Variants in IL27RA observed in about 807,000 individuals in gnomAD.
The protein encoded by IL27RA is interleukin-27 receptor subunit alpha.
A neutral mutation model predicts 80.8 loss-of-function variants in IL27RA; 61 were observed. The observed-to-expected ratio is 0.76, with a 90% CI of 0.61 to 0.93. IL27RA has a LOEUF of 0.93. Ranked by LOEUF, IL27RA falls within the 40% of genes least tolerant of loss-of-function variation. The pLI is 0.00. For synonymous variants in IL27RA, 316 were observed against 332.5 expected (o/e 0.95, Z 0.54); for missense variants, 735 against 808.1 (o/e 0.91, Z 1.10).
chr19:14,044,068 AG>A (rs1450992786), intron 6 of IL27RA, among the ~76,000 whole-genome samples: 6 of 146,250 alleles, frequency 4.1e-5, no homozygotes, highest in Admixed American at 1.4e-4. Flanking sequence ...AAAAAAAAAA[AG>A]GTATTATAAA....
intron 2 of IL27RA, 55 bp from the exon 3 acceptor site, chr19:14,039,453 C>A: frequency 6.4e-7 from 1 of 1,558,936 alleles, no homozygotes; most frequent in Non-Finnish European, 8.7e-7. Context: ...GGGTGGTTAT[C>A]AGTGGCCCTG....
intron 2 of IL27RA, among the ~76,000 whole-genome samples, 191 bp downstream of exon 2, chr19:14,032,694 TACTC>T (rs958245247): frequency 1.4e-5 from 2 of 140,700 alleles, no homozygotes; most frequent in African/African-American, 5.4e-5. Context: ...TAGTCCCTGA[TACTC>T]AGGAGGCTGA....
chr19:14,036,875 G>T lies in IL27RA; in HGVS notation c.219-2633G>T, dbSNP rs139001610. 8.8e-3 allele frequency among the ~76,000 whole-genome samples: 1,261 copies of T among 143,628 alleles called. 18 individuals are homozygous for T. Among genetic ancestry groups the T allele is most frequent in the African/African-American group, 0.031 (1,214 of 39,064 alleles). 94.2% of individuals were successfully genotyped at this position (143,628 alleles called of 152,430 possible). ...TTTTGAGACAAAGTCTCGCTCTGTC[G>T]CTCAGGCTGGAGTGCAATGGCGTGA... On this transcript the variant is annotated intron_variant, in intron 2 of 13. Transcript: ENST00000263379.
Position 14,046,333 on chromosome 19 carries a change from C to T in IL27RA, c.948C>T (p.Cys316=), listed in dbSNP as rs1976064757. 1 of 1,613,460 alleles carries T rather than the reference C, an allele frequency of 6.2e-7. No individual in the cohort carries two copies. ...WEPLTNLSLV[C]LDSASAPRSV... is the part of the protein sequence containing the mutation. ...CTCTCACCAACCTCTCTTTGGTCTG[C>T]TTGGGTAAGAGACTGTGACCTTCCT... The change falls in exon 7 of 14, where the codon TGC becomes TGT. Residue 316 remains cysteine, a synonymous_variant. Coordinates refer to ENST00000263379, the MANE Select transcript of IL27RA (RefSeq NM_004843.4).
In IL27RA at chr19:14,032,437, A is replaced by G; in HGVS notation, c.152A>G (p.Asn51Ser). 6.2e-7 allele frequency: 1 copy of G among 1,613,558 alleles called. No homozygotes were observed. Among genetic ancestry groups the G allele is most frequent in the South Asian group, 1.1e-5 (1 of 91,042 alleles). Residue 51 changes from asparagine (N) to serine (S), a missense_variant, in exon 2 of 14, where the codon AAC becomes AGC. Transcript: ENST00000263379. Reference sequence around the variant, plus strand: ...GGAGTTGGACCCTTGGGCGACTTGAACTGCTCGTGGGAGCCTCTTGGGGAC... The same window carrying G: ...GGAGTTGGACCCTTGGGCGACTTGAGCTGCTCGTGGGAGCCTCTTGGGGAC... Reference protein sequence around the residue: ...CYGVGPLGDLNCSWEPLGDLG... With the variant: ...CYGVGPLGDLSCSWEPLGDLG...
At position 14,039,509 on chromosome 19, in the gene IL27RA, C is replaced by T. The variant is rs201645440; in HGVS notation, c.220C>T (p.Arg74Cys). The T allele has an allele frequency of 7.4e-6, 12 of 1,611,622 alleles. No individual in the cohort carries two copies. In the East Asian group the frequency reaches 8.9e-5, roughly 12 times the overall value. ...SELHLQSQKY[R>C]SNKTQTVAVA... is the part of the protein sequence containing the mutation. ...TCATCCCCGCCTCTCTCCTCACAGC[C>T]GTTCCAACAAAACCCAGACTGTGGC... The change falls in exon 3 of 14, where the codon CGT (arginine) becomes TGT (cysteine). Residue 74 changes from arginine (R) to cysteine (C), a missense_variant and splice_region_variant. By Grantham distance (180) the Arg-to-Cys change is radical. Coordinates refer to ENST00000263379, the MANE Select transcript of IL27RA (RefSeq NM_004843.4).
At position 14,049,198 on chromosome 19, in the gene IL27RA, C is replaced by T; in HGVS notation, c.1286C>T (p.Pro429Leu). 1 of 1,614,178 alleles carries T rather than the reference C, an allele frequency of 6.2e-7. No individual in the cohort carries two copies. Among genetic ancestry groups the T allele is most frequent in the Non-Finnish European group, 8.5e-7 (1 of 1,180,018 alleles). ...GPTLWRLQDA[P>L]PGTPAIAWGE... Reference sequence around the variant, plus strand: ...ACGCTTTGGCGACTCCAAGATGCCCCTCCAGGGACCCCCGCCATAGCGTGG... The same window carrying T: ...ACGCTTTGGCGACTCCAAGATGCCCTTCCAGGGACCCCCGCCATAGCGTGG... The change falls in exon 10 of 14, where the codon CCT becomes CTT. Residue 429 changes from proline to leucine, a missense_variant. Transcript: ENST00000263379.
chr19:14,034,036 T>G (rs548601220), intron 2 of IL27RA, among the ~76,000 whole-genome samples: 29 of 152,284 alleles, frequency 1.9e-4, no homozygotes, highest in African/African-American at 6.5e-4. Context: ...AGTCTGAGGA[T>G]TCAAAGAGTT....
At position 14,031,943 on chromosome 19, in the gene IL27RA, G is replaced by A. The variant is rs1442867580; in HGVS notation, c.71G>A (p.Trp24Ter). ...AAGCTGGCGCTGCTGCCTCTGTTGT[G>A]GGTGCTTTTCCAGCGGACGCGTCCC... is the stretch of plus-strand genomic sequence containing the variant. ...LPKLALLPLL[W>*]VLFQRTRPQG... is the part of the protein sequence containing the mutation. The change falls in exon 1 of 14, where the codon TGG (tryptophan) becomes TAG (stop). Residue 24 changes from tryptophan (W) to a stop codon, truncating the protein, a stop_gained. Transcript: ENST00000263379. LOFTEE classifies it high-confidence loss of function. The A allele has an allele frequency of 1.2e-6, 2 of 1,611,088 alleles. No individual in the cohort carries two copies. Among genetic ancestry groups the A allele is most frequent in the Non-Finnish European group, 1.7e-6 (2 of 1,178,814 alleles).
chr19:14,050,146 T>C (rs969424251), intron 10 of IL27RA, among the ~76,000 whole-genome samples: 1 of 151,400 alleles, frequency 6.6e-6, no homozygotes, highest in Non-Finnish European at 1.5e-5. Flanking sequence ...GCCAAGATCA[T>C]GCAAAGACAA....
At position 14,039,613 on chromosome 19, in the gene IL27RA, T is replaced by C; in HGVS notation, c.324T>C (p.Thr108=). ...CTGACAAACTCCTTGTCTGGGGCACTAAGGCAGGCCAGCCTCTCTGGCCCC... is the reference window on the plus strand; with the variant it reads ...CTGACAAACTCCTTGTCTGGGGCACCAAGGCAGGCCAGCCTCTCTGGCCCC... ...TMSDKLLVWG[T]KAGQPLWPPV... The change falls in exon 3 of 14, where the codon ACT becomes ACC. Residue 108 remains threonine, a synonymous_variant. Coordinates refer to ENST00000263379, the MANE Select transcript of IL27RA (RefSeq NM_004843.4). The C allele has an allele frequency of 1.9e-6, 3 of 1,614,170 alleles. No homozygotes were observed. The highest frequency in any genetic ancestry group is 2.5e-6 in the Non-Finnish European group (3 of 1,180,042).
At chr19:14,043,073 T>G (rs1976016093) in intron 6 of IL27RA, among the ~76,000 whole-genome samples, 2 of 147,706 alleles carry the variant, frequency 1.4e-5, no homozygotes, top group South Asian at 4.3e-4. Flanking sequence ...ACCCAGGAGG[T>G]GAAGGTTGCA....
Position 14,046,500 on chromosome 19 carries a change from G to A in IL27RA, c.1023G>A (p.Trp341Ter). Residue 341 changes from tryptophan (W) to a stop codon, truncating the protein, a stop_gained, in exon 8 of 14, where the codon TGG (tryptophan) becomes TGA (stop). Coordinates refer to ENST00000263379, the MANE Select transcript of IL27RA (RefSeq NM_004843.4). LOFTEE classifies it high-confidence loss of function. ...IAGSTELLVT[W>*]QPGPGEPLEH... Reference sequence around the variant, plus strand: ...GGAGCACGGAGCTACTGGTGACCTGGCAACCGGGGCCTGGGGAACCACTGG... The same window carrying A: ...GGAGCACGGAGCTACTGGTGACCTGACAACCGGGGCCTGGGGAACCACTGG... 2 of 1,614,126 alleles carry A rather than the reference G, an allele frequency of 1.2e-6. No homozygotes were observed. Among genetic ancestry groups the A allele is most frequent in the Non-Finnish European group, 1.7e-6 (2 of 1,180,026 alleles).
rs771459698 is a variant in IL27RA, at chr19:14,051,634, C to T, written c.1556C>T (p.Pro519Leu). Residue 519 changes from proline to leucine, a missense_variant, in exon 12 of 14, where the codon CCG (proline) becomes CTG (leucine). Transcript: ENST00000263379. ...AACACCCTGAGGTGGAAAGTTCTGCCGGGCATCCTATTCTTGTGGGGCTTG... is the reference window on the plus strand; with the variant it reads ...AACACCCTGAGGTGGAAAGTTCTGCTGGGCATCCTATTCTTGTGGGGCTTG... ...PDNTLRWKVLPGILFLWGLFL... is the reference protein window; with the variant it reads ...PDNTLRWKVLLGILFLWGLFL... The T allele has an allele frequency of 2.6e-5, 42 of 1,612,188 alleles. No homozygotes were observed. Among genetic ancestry groups the T allele is most frequent in the Middle Eastern group, 1.6e-4 (1 of 6,078 alleles).
intron 4 of IL27RA, among the ~76,000 whole-genome samples, chr19:14,040,747 C>A (rs1599299266): frequency 1.3e-5 from 2 of 151,594 alleles, no homozygotes; most frequent in Non-Finnish European, 2.9e-5. Context: ...TCACTTGAAC[C>A]CAGGAGGTGG....
Position 14,039,811 on chromosome 19 carries a change from G to C in IL27RA, c.435G>C (p.Leu145=). 1 of 1,614,168 alleles carries C rather than the reference G, an allele frequency of 6.2e-7. No homozygotes were observed. The highest frequency in any genetic ancestry group is 8.5e-7 in the Non-Finnish European group (1 of 1,180,022). The change falls in exon 4 of 14, where the codon CTG becomes CTC. Residue 145 remains leucine (L), a synonymous_variant. Transcript: ENST00000263379. ...TGGACTTTTCCGAGGATGACCCCCT[G>C]GAGGCCACTGTCCATTGGGCCCCAC... ...PDVDFSEDDP[L]EATVHWAPPT... is the part of the protein sequence containing the mutation.
At chr19:14,039,938 C>T in intron 4 of IL27RA, 28 bp downstream of exon 4, 1 of 1,609,902 alleles carries the variant, frequency 6.2e-7, no homozygotes, top group Non-Finnish European at 8.5e-7. Flanking sequence ...TTTCTCCCCA[C>T]CCTATTCCGG....
At chr19:14,050,964 G>A in intron 11 of IL27RA, 81 bp downstream of exon 11, 1 of 1,434,868 alleles carries the variant, frequency 7.0e-7, no homozygotes, top group Middle Eastern at 2.6e-4. Flanking sequence ...GTCATTACTT[G>A]GAAGCTAGGT....
At position 14,050,757 on chromosome 19, in the gene IL27RA, G is replaced by T; in HGVS notation, c.1403-1G>T. 6.2e-7 allele frequency: 1 copy of T among 1,610,112 alleles called. No homozygotes were observed. The highest frequency in any genetic ancestry group is 1.1e-5 in the South Asian group (1 of 90,866). On this transcript the variant is annotated splice_acceptor_variant, in intron 10 of 13. Transcript: ENST00000263379. LOFTEE classifies it high-confidence loss of function. Reference sequence around the variant, plus strand: ...CCAACTTCTTTGGTTGTGTTCTCCAGTGAGTGGCAACACACAGAGTGTCAC... The same window carrying T: ...CCAACTTCTTTGGTTGTGTTCTCCATTGAGTGGCAACACACAGAGTGTCAC...
Sources: gnomAD v4.1 joint callset for allele counts (sites outside exome capture counted in the v4.1 genomes callset) on GRCh38, gnomAD v4.1.1 for gene constraint, MANE v1.5 for transcripts, NCBI Gene and HGNC (gene_info 2026-07-23, HGNC 2026-07-21) for gene names.